Variants in ZFHX3 observed in about 807,000 individuals in gnomAD.
ZFHX3 encodes zinc finger homeobox 3.
In ZFHX3, 42 loss-of-function variants were observed where a neutral mutation model predicts 279.1. The observed-to-expected ratio is 0.15, with a 90% CI of 0.12 to 0.19. The LOEUF (loss-of-function observed/expected upper bound fraction) is 0.19, where lower values mean the gene tolerates loss of function less well. Among genes scored for constraint, ZFHX3 ranks in the 10% least tolerant of loss-of-function variants. ZFHX3 has a pLI of 1.00. For synonymous variants in ZFHX3, 2,293 were observed against 1,957.8 expected, an observed-to-expected ratio of 1.17 and a Z score of -4.52; for missense variants, 4,981 against 4,754.0, an observed-to-expected ratio of 1.05 and a Z score of -1.40.
chr16:73,174,863 C>CAA (rs34447211), intron 5 of ZFHX3, among the ~76,000 whole-genome samples: 1,238 of 86,818 alleles, frequency 0.014, 22 homozygotes, highest in African/African-American at 0.045. Flanking sequence ...ACTAAAAATA[C>CAA]AAAAAAAAAA....
At chr16:73,329,101 C>T (rs1214755483) in intron 3 of ZFHX3, among the ~76,000 whole-genome samples, 4 of 152,238 alleles carry the variant, frequency 2.6e-5, no homozygotes, top group Admixed American at 2.6e-4. Context: ...TGGTAGTTTG[C>T]AAGCAAGTGT....
chr16:72,797,405 C>T lies in ZFHX3; in HGVS notation c.5277G>A (p.Glu1759=), dbSNP rs2035946733. The change falls in exon 9 of 10, where the codon GAG becomes GAA. Residue 1759 remains glutamate, a synonymous_variant. Coordinates refer to ENST00000268489, the MANE Select transcript of ZFHX3 (RefSeq NM_006885.4). The part of the protein sequence containing the change: ...QAQVQAHLQQ[E]LQQQAALIQS... ...GGATCAGGGCAGCCTGTTGCTGCAG[C>T]TCCTGCTGCAGGTGAGCTTGAACTT... 6.2e-7 allele frequency: 1 copy of T among 1,610,672 alleles called. No homozygotes were observed. The highest frequency in any genetic ancestry group is 1.3e-5 in the African/African-American group (1 of 75,024).
chr16:73,528,939 G>C (rs992190204), intron 2 of ZFHX3, among the ~76,000 whole-genome samples: 1 of 152,172 alleles, frequency 6.6e-6, no homozygotes, highest in Admixed American at 6.5e-5. Flanking sequence ...TCTGAATTGA[G>C]AACAGCCTGT....
At chr16:73,089,793 C>A (rs1966050484) in intron 8 of ZFHX3, among the ~76,000 whole-genome samples, 1 of 152,192 alleles carries the variant, frequency 6.6e-6, no homozygotes, top group Non-Finnish European at 1.5e-5. Context: ...TAATGACTGG[C>A]AAGATTTGAA....
chr16:73,822,061 T>A (rs935307643), intron 1 of ZFHX3, among the ~76,000 whole-genome samples: 1 of 152,158 alleles, frequency 6.6e-6, no homozygotes, highest in Admixed American at 6.5e-5. Context: ...CTTCCTGCAA[T>A]CTTCAGTCAC....
chr16:72,873,936 A>C (rs2038230702), intron 4 of ZFHX3, among the ~76,000 whole-genome samples: 1 of 152,172 alleles, frequency 6.6e-6, no homozygotes, highest in Non-Finnish European at 1.5e-5. Context: ...CGTATGGCTG[A>C]TGTTTCTAAT....
Position 73,685,259 on chromosome 16 carries a change from G to A in ZFHX3, c.-1607-5019C>T, listed in dbSNP as rs187162577. Among the ~76,000 whole-genome samples, 7 of 151,924 alleles carry A rather than the reference G, an allele frequency of 4.6e-5. No homozygotes were observed. In the East Asian group the frequency reaches 7.7e-4, roughly 17 times the overall value. On this transcript the variant is annotated intron_variant, in intron 1 of 17. Coordinates refer to the ZFHX3 transcript ENST00000641206. ...TCTTGATCTCCTGACCTCGTGATCC[G>A]CCCCCCTCAGCCTCCCAACGTGCTG...
At chr16:73,242,583 A>G (rs1861636528) in intron 5 of ZFHX3, among the ~76,000 whole-genome samples, 1 of 152,218 alleles carries the variant, frequency 6.6e-6, no homozygotes, top group Non-Finnish European at 1.5e-5. Flanking sequence ...TACAGAAGGA[A>G]TGCTCCTTTT....
rs192478703 is a variant in ZFHX3 at position 73,781,855 on chromosome 16, T to C, written c.-1607-101615A>G. On this transcript the variant is annotated intron_variant, in intron 1 of 17. Coordinates refer to the ZFHX3 transcript ENST00000641206. ...TACAAAAATTAGCTGAGTGTGGTGGTGTGCATCTGTAATCCCAGCTACTCA... is the reference window on the plus strand; with the variant it reads ...TACAAAAATTAGCTGAGTGTGGTGGCGTGCATCTGTAATCCCAGCTACTCA... Among the ~76,000 whole-genome samples, 73 of 152,212 alleles carry C rather than the reference T, an allele frequency of 4.8e-4. No homozygotes were observed. In the East Asian group the frequency reaches 0.014, roughly 29 times the overall value.
intron 1 of ZFHX3, among the ~76,000 whole-genome samples, chr16:73,789,802 A>G (rs1227310031): frequency 1.3e-5 from 2 of 152,190 alleles, no homozygotes; most frequent in Non-Finnish European, 2.9e-5. Flanking sequence ...GCCCCGGGCT[A>G]CATAACCACT....
At chr16:73,477,779 C>T (rs2143617480) in intron 2 of ZFHX3, among the ~76,000 whole-genome samples, 1 of 152,276 alleles carries the variant, frequency 6.6e-6, no homozygotes, top group Admixed American at 6.5e-5. Context: ...TACCTTGTGT[C>T]TGGAACAGAG....
chr16:73,841,597 G>A (rs1368635299), intron 1 of ZFHX3, among the ~76,000 whole-genome samples: 3 of 151,992 alleles, frequency 2.0e-5, no homozygotes, highest in East Asian at 1.9e-4. Flanking sequence ...GCCACAAGAG[G>A]GTCCCCAGTG....
intron 3 of ZFHX3, among the ~76,000 whole-genome samples, chr16:73,410,243 C>A (rs1001845278): frequency 6.6e-6 from 1 of 152,022 alleles, no homozygotes; most frequent in Non-Finnish European, 1.5e-5. Context: ...TGGTGAAACC[C>A]CATCTCTACT....
chr16:72,999,442 C>T (rs1001947050), intron 1 of ZFHX3, among the ~76,000 whole-genome samples: 5 of 152,210 alleles, frequency 3.3e-5, no homozygotes, highest in African/African-American at 1.2e-4. Flanking sequence ...CAGGCATGAG[C>T]CAACATGCCT....
At chr16:72,901,631 T>C (rs2039038961) in intron 3 of ZFHX3, among the ~76,000 whole-genome samples, 1 of 152,224 alleles carries the variant, frequency 6.6e-6, no homozygotes, top group Non-Finnish European at 1.5e-5. Flanking sequence ...ATTTCACTTT[T>C]TCTCCTTAAA....
At chr16:73,703,729 A>C (rs964870120) in intron 1 of ZFHX3, among the ~76,000 whole-genome samples, 2 of 152,204 alleles carry the variant, frequency 1.3e-5, no homozygotes, top group African/African-American at 4.8e-5. Context: ...GAACAGAAGT[A>C]CATTAAGGTG....
At chr16:73,800,157 GTATT>G in intron 1 of ZFHX3, among the ~76,000 whole-genome samples, 1 of 152,044 alleles carries the variant, frequency 6.6e-6, no homozygotes, top group South Asian at 2.1e-4. Flanking sequence ...CCTCAGACAT[GTATT>G]TATTAAGGAC....
intron 1 of ZFHX3, among the ~76,000 whole-genome samples, chr16:73,811,699 C>T (rs1960431557): frequency 1.3e-5 from 2 of 152,126 alleles, no homozygotes; most frequent in South Asian, 4.1e-4. Context: ...CCCACCTCTG[C>T]CTCCCAAAGT....
intron 3 of ZFHX3, among the ~76,000 whole-genome samples, chr16:73,337,250 A>G (rs1367086249): frequency 6.6e-6 from 1 of 151,962 alleles, no homozygotes; most frequent in East Asian, 1.9e-4. Context: ...TCCTTATCCT[A>G]CGTCCTGTGG....
Sources: gnomAD v4.1 joint callset for allele counts (sites outside exome capture counted in the v4.1 genomes callset) on GRCh38, gnomAD v4.1.1 for gene constraint, MANE v1.5 for transcripts, NCBI Gene and HGNC (gene_info 2026-07-23, HGNC 2026-07-21) for gene names.